The following C8orf34 variants were observed in gnomAD, a reference collection of about 807,000 sequenced individuals.
The protein encoded by C8orf34 is uncharacterized protein C8orf34.
C8orf34 carries 65 observed loss-of-function variants against 68.3 expected under a neutral mutation model. The ratio of observed to expected loss-of-function variants is 0.95; its 90% CI spans 0.78 to 1.17. The LOEUF (loss-of-function observed/expected upper bound fraction) is 1.17. C8orf34 is among the 50% of genes most tolerant of loss of function. C8orf34 has a pLI of 0.00. For synonymous variants in C8orf34, 244 were observed against 241.2 expected (o/e 1.01, Z -0.11); for missense variants, 664 against 655.4 (o/e 1.01, Z -0.14).
At chr8:68,378,567 C>A (rs1330125448) in intron 1 of C8orf34, among the ~76,000 whole-genome samples, 2 of 152,102 alleles carry the variant, frequency 1.3e-5, no homozygotes, top group Admixed American at 1.3e-4. Context: ...GGATTACGTG[C>A]GTGAGCCACT....
intron 6 of C8orf34, among the ~76,000 whole-genome samples, chr8:68,531,811 G>A (rs578026092): frequency 1.3e-5 from 2 of 152,178 alleles, no homozygotes; most frequent in Admixed American, 1.3e-4. Flanking sequence ...ACATAGGAAG[G>A]TGGAATGGTT....
chr8:68,710,494 C>T (rs964471852), intron 9 of C8orf34, among the ~76,000 whole-genome samples: 1 of 152,084 alleles, frequency 6.6e-6, no homozygotes, highest in African/African-American at 2.4e-5. Context: ...TGGGTGAATC[C>T]TGTGACTGCT....
At chr8:68,380,472 G>T (rs1251412788) in intron 1 of C8orf34, among the ~76,000 whole-genome samples, 1 of 152,146 alleles carries the variant, frequency 6.6e-6, no homozygotes, top group East Asian at 1.9e-4. Flanking sequence ...ATTTTTAGAG[G>T]TGACATTTTG....
chr8:68,514,967 G>A (rs1044414883), intron 5 of C8orf34, among the ~76,000 whole-genome samples: 3 of 152,074 alleles, frequency 2.0e-5, no homozygotes, highest in Non-Finnish European at 2.9e-5. Context: ...AAATGAACAG[G>A]GGGGAATGGA....
intron 12 of C8orf34, among the ~76,000 whole-genome samples, chr8:68,794,075 G>A (rs1463266351): frequency 2.6e-5 from 4 of 152,064 alleles, no homozygotes; most frequent in Admixed American, 2.0e-4. Context: ...ACTTATAGGT[G>A]CATGCAGGTT....
chr8:68,468,553 C>T (rs1233709003), intron 3 of C8orf34, 139 bp from the exon 4 acceptor site: 13 of 756,156 alleles, frequency 1.7e-5, no homozygotes, highest in Non-Finnish European at 2.5e-5. Flanking sequence ...CCTCTTTTTT[C>T]TCACAAGCAA....
intron 11 of C8orf34, among the ~76,000 whole-genome samples, chr8:68,781,149 A>G (rs1823664542): frequency 6.6e-6 from 1 of 152,224 alleles, no homozygotes; most frequent in Non-Finnish European, 1.5e-5. Context: ...CAATGGTAGA[A>G]GTTTGAGCAA....
chr8:68,445,829 A>G (rs548085450), intron 2 of C8orf34, among the ~76,000 whole-genome samples: 127 of 152,248 alleles, frequency 8.3e-4, no homozygotes, highest in African/African-American at 2.8e-3. Context: ...AGTCTCTATC[A>G]CTCAGGCTGG....
chr8:68,714,238 A>G (rs773471591), intron 9 of C8orf34, among the ~76,000 whole-genome samples: 14 of 152,168 alleles, frequency 9.2e-5, no homozygotes, highest in Non-Finnish European at 1.9e-4. Context: ...GAAGACAAAG[A>G]TGCCTACTTT....
At chr8:68,586,685 G>A (rs1817218971) in intron 7 of C8orf34, among the ~76,000 whole-genome samples, 1 of 152,092 alleles carries the variant, frequency 6.6e-6, no homozygotes, top group Non-Finnish European at 1.5e-5. Flanking sequence ...ATGTTGGTTT[G>A]TAAATGAAAT....
At chr8:68,634,191 A>C (rs1818772894) in intron 7 of C8orf34, among the ~76,000 whole-genome samples, 1 of 152,182 alleles carries the variant, frequency 6.6e-6, no homozygotes, top group Non-Finnish European at 1.5e-5. Flanking sequence ...TGATGATAAG[A>C]ATGTTGCTTT....
At chr8:68,809,713 C>T (rs1318628320) in intron 12 of C8orf34, among the ~76,000 whole-genome samples, 2 of 152,208 alleles carry the variant, frequency 1.3e-5, no homozygotes, top group African/African-American at 4.8e-5. Context: ...TTTTCCTCCA[C>T]TTCAGACTTA....
intron 1 of C8orf34, among the ~76,000 whole-genome samples, chr8:68,416,944 C>T (rs887921961): frequency 6.6e-6 from 1 of 152,124 alleles, no homozygotes; most frequent in Non-Finnish European, 1.5e-5. Context: ...TACACCATTA[C>T]TTTCCTCTGA....
chr8:68,706,575 T>G (rs1020334758), intron 8 of C8orf34, among the ~76,000 whole-genome samples: 15 of 152,190 alleles, frequency 9.9e-5, no homozygotes, highest in Non-Finnish European at 7.3e-5. Context: ...GAGGTGAATT[T>G]GTTTTCGGAG....
intron 3 of C8orf34, among the ~76,000 whole-genome samples, chr8:68,465,145 T>G (rs948270918): frequency 3.3e-5 from 5 of 152,088 alleles, no homozygotes; most frequent in Non-Finnish European, 5.9e-5. Flanking sequence ...GCAAAGGACA[T>G]GAACCGACAC....
At chr8:68,562,902 G>A (rs6989643) in intron 7 of C8orf34, among the ~76,000 whole-genome samples, 29,045 of 152,090 alleles carry the variant, frequency 0.19, 3,352 homozygotes, top group African/African-American at 0.32. Context: ...AATATTTCCT[G>A]AAGAAATTAG....
chr8:68,564,055 A>ATATATATATATATATATATAAG (rs1816512822), intron 7 of C8orf34, among the ~76,000 whole-genome samples: 3 of 152,342 alleles, frequency 2.0e-5, no homozygotes, highest in African/African-American at 7.2e-5. Flanking sequence ...ATATAACTAT[A>ATATATATATATATATATATAAG]GAGTCTGCAT....
At chr8:68,522,003 T>C in intron 6 of C8orf34, 32 bp downstream of exon 6, 1 of 1,569,600 alleles carries the variant, frequency 6.4e-7, no homozygotes, top group African/African-American at 1.4e-5. Flanking sequence ...GATTCTATAT[T>C]ACTAGTCATT....
chr8:68,489,121 T>C (rs758748356), intron 5 of C8orf34, among the ~76,000 whole-genome samples: 1 of 152,232 alleles, frequency 6.6e-6, no homozygotes. Flanking sequence ...ATCTCTTTAA[T>C]GTATGGCTTA....
Sources: gnomAD v4.1 joint callset for allele counts (sites outside exome capture counted in the v4.1 genomes callset) on GRCh38, gnomAD v4.1.1 for gene constraint, MANE v1.5 for transcripts, NCBI Gene and HGNC (gene_info 2026-07-23, HGNC 2026-07-21) for gene names.